The following RAD51B variants were observed in gnomAD, a reference collection of about 807,000 sequenced individuals.
The protein encoded by RAD51B is DNA repair protein RAD51 homolog 2.
In RAD51B, 38 loss-of-function variants were observed where a neutral mutation model predicts 42.2. That is an observed-to-expected ratio of 0.90 (90% CI 0.70 to 1.18). RAD51B has a LOEUF of 1.18. RAD51B is among the 50% of genes most tolerant of loss of function. RAD51B has a pLI of 0.00. For missense variants in RAD51B, 373 were observed against 400.7 expected, an observed-to-expected ratio of 0.93 and a Z score of 0.59; for synonymous variants, 154 against 145.2, an observed-to-expected ratio of 1.06 and a Z score of -0.43.
At chr14:68,075,748 G>A (rs1423933167) in intron 7 of RAD51B, among the ~76,000 whole-genome samples, 1 of 152,162 alleles carries the variant, frequency 6.6e-6, no homozygotes, top group Admixed American at 6.5e-5. Context: ...TCTGAGCCAG[G>A]GGCGCTGCCT....
intron 7 of RAD51B, among the ~76,000 whole-genome samples, chr14:68,153,496 A>G (rs2140785432): frequency 6.6e-6 from 1 of 152,194 alleles, no homozygotes; most frequent in Non-Finnish European, 1.5e-5. Flanking sequence ...CCTCTCTAGC[A>G]TCTGTTAGTT....
At chr14:68,086,245 A>T (rs966296130) in intron 7 of RAD51B, among the ~76,000 whole-genome samples, 1 of 152,066 alleles carries the variant, frequency 6.6e-6, no homozygotes, top group Non-Finnish European at 1.5e-5. Flanking sequence ...GCCCCAGCCA[A>T]ACTCCGCGTT....
intron 4 of RAD51B, among the ~76,000 whole-genome samples, chr14:67,852,767 G>A (rs1390948613): frequency 1.3e-5 from 2 of 150,606 alleles, no homozygotes; most frequent in Non-Finnish European, 3.0e-5. Context: ...ATGTACGCAT[G>A]CATGTGTGTA....
intron 10 of RAD51B, among the ~76,000 whole-genome samples, chr14:68,485,536 CA>C (rs956640985): frequency 1.3e-5 from 2 of 150,366 alleles, no homozygotes; most frequent in Admixed American, 6.6e-5. Context: ...ACTTCCTTTT[CA>C]AAAAAAAACA....
chr14:67,994,901 G>A (rs2075355667), intron 7 of RAD51B, among the ~76,000 whole-genome samples: 1 of 152,154 alleles, frequency 6.6e-6, no homozygotes, highest in Non-Finnish European at 1.5e-5. Flanking sequence ...TAAACAAAAT[G>A]TGGTGTATAA....
intron 7 of RAD51B, among the ~76,000 whole-genome samples, chr14:68,167,164 G>A (rs561242441): frequency 2.6e-5 from 4 of 152,180 alleles, no homozygotes; most frequent in African/African-American, 9.6e-5. Context: ...CTTTATATTG[G>A]TTATTGAAAT....
intron 7 of RAD51B, among the ~76,000 whole-genome samples, chr14:68,212,044 C>G (rs1349955745): frequency 6.6e-6 from 1 of 152,188 alleles, no homozygotes; most frequent in Non-Finnish European, 1.5e-5. Flanking sequence ...CATTGGCATT[C>G]TCGTTTGCTC....
At chr14:68,007,049 G>A (rs994321020) in intron 7 of RAD51B, among the ~76,000 whole-genome samples, 1 of 151,968 alleles carries the variant, frequency 6.6e-6, no homozygotes, top group African/African-American at 2.4e-5. Context: ...CCAGCTCCTG[G>A]CACCCTCTAA....
chr14:68,354,533 T>C (rs1415727613), intron 8 of RAD51B, among the ~76,000 whole-genome samples: 3 of 151,702 alleles, frequency 2.0e-5, no homozygotes, highest in Non-Finnish European at 4.4e-5. Context: ...TTTAAACGAG[T>C]AAAATGAAGT....
At chr14:68,048,950 A>G (rs1422742030) in intron 7 of RAD51B, among the ~76,000 whole-genome samples, 1 of 152,234 alleles carries the variant, frequency 6.6e-6, no homozygotes, top group Non-Finnish European at 1.5e-5. Flanking sequence ...AAAGACTTGG[A>G]ACCAACCCAA....
At chr14:68,332,478 T>C (rs2082369527) in intron 8 of RAD51B, among the ~76,000 whole-genome samples, 1 of 152,228 alleles carries the variant, frequency 6.6e-6, no homozygotes, top group South Asian at 2.1e-4. Context: ...CATAGTATTG[T>C]TTTCTTTCTA....
intron 8 of RAD51B, among the ~76,000 whole-genome samples, chr14:68,390,922 G>A (rs1363954211): frequency 2.6e-5 from 4 of 152,190 alleles, no homozygotes; most frequent in Admixed American, 2.0e-4. Flanking sequence ...ATCTAAAGAC[G>A]TACTTGTCTC....
At chr14:68,120,582 C>T (rs1472255688) in intron 7 of RAD51B, among the ~76,000 whole-genome samples, 1 of 151,990 alleles carries the variant, frequency 6.6e-6, no homozygotes. Flanking sequence ...CCTTTTTTTT[C>T]CTGATATATT....
intron 7 of RAD51B, among the ~76,000 whole-genome samples, chr14:68,038,521 C>G (rs1444191074): frequency 6.6e-6 from 1 of 151,752 alleles, no homozygotes. Context: ...TTAAGTTTTC[C>G]ATTGTTAACT....
intron 7 of RAD51B, among the ~76,000 whole-genome samples, chr14:68,024,125 G>A (rs2075913354): frequency 6.6e-6 from 1 of 151,978 alleles, no homozygotes; most frequent in Admixed American, 6.5e-5. Context: ...ATTGCTTGTT[G>A]TCAGTCTTGT....
At chr14:68,363,767 G>A (rs1447082084) in intron 8 of RAD51B, among the ~76,000 whole-genome samples, 1 of 152,194 alleles carries the variant, frequency 6.6e-6, no homozygotes, top group Non-Finnish European at 1.5e-5. Context: ...GCGTGTGTGG[G>A]TGCAGTGAAG....
At chr14:68,323,613 G>A (rs774276393) in intron 8 of RAD51B, among the ~76,000 whole-genome samples, 9 of 152,212 alleles carry the variant, frequency 5.9e-5, no homozygotes, top group Admixed American at 5.9e-4. Flanking sequence ...TCAAAATGGT[G>A]AAACCCCATC....
intron 7 of RAD51B, among the ~76,000 whole-genome samples, chr14:68,109,883 A>G (rs1047120960): frequency 5.3e-5 from 8 of 151,892 alleles, no homozygotes; most frequent in Non-Finnish European, 1.0e-4. Flanking sequence ...CAATGCCTGC[A>G]AAATCTTTGG....
intron 7 of RAD51B, among the ~76,000 whole-genome samples, chr14:68,164,266 T>TA (rs2078704580): frequency 6.6e-6 from 1 of 152,210 alleles, no homozygotes; most frequent in African/African-American, 2.4e-5. Flanking sequence ...TTTCCTTTAA[T>TA]AAAATCATGA....
Sources: allele counts gnomAD v4.1 joint callset (sites outside exome capture counted in the v4.1 genomes callset), GRCh38; gene constraint gnomAD v4.1.1; transcripts MANE v1.5; gene names NCBI Gene and HGNC (gene_info 2026-07-23, HGNC 2026-07-21).